Variants in TMEM270 observed in about 807,000 individuals in gnomAD.
The protein encoded by TMEM270 is Williams-Beuren syndrome chromosome region 28.
A neutral mutation model predicts 29.9 loss-of-function variants in TMEM270; 30 were observed. The ratio of observed to expected loss-of-function variants is 1.00; its 90% CI spans 0.75 to 1.36. The LOEUF is 1.36. Among genes scored for constraint, TMEM270 ranks in the 40% most tolerant of loss-of-function variants. The probability of loss-of-function intolerance (pLI) is 0.00; values close to 1 mark genes in which losing one functional copy is unlikely to be tolerated. For missense variants in TMEM270, 313 were observed against 307.1 expected (o/e 1.02, Z -0.14); for synonymous variants, 135 against 139.8 (o/e 0.97, Z 0.24).
chr7:73,865,482 C>T, intron 2 of TMEM270, 61 bp downstream of exon 2: 2 of 1,582,050 alleles, frequency 1.3e-6, no homozygotes, highest in Non-Finnish European at 1.7e-6. Flanking sequence ...TGGGTGTGGT[C>T]AGGGCTGGCT....
rs782757570 is a variant in TMEM270 at position 73,865,695 on chromosome 7, C to T, written c.620C>T (p.Thr207Ile). The change falls in exon 3 of 3, where the codon ACC (threonine) becomes ATC (isoleucine). Residue 207 changes from threonine to isoleucine, a missense_variant. By Grantham distance (89) the Thr-to-Ile change is moderately conservative (BLOSUM62 -1). Transcript: ENST00000320531. ...CACCTGGCCTATCTCATCACCTGGA[C>T]CACCTGCCTGGCCTCCCACCTGCTG... ...SWHLAYLITW[T>I]TCLASHLLQA... The T allele has an allele frequency of 5.0e-6, 8 of 1,613,998 alleles. No homozygotes were observed. The Admixed American group carries it at 1.0e-4, about 20-fold the overall frequency.
chr7:73,861,273 G>T lies in TMEM270; in HGVS notation c.72+7G>T, dbSNP rs1404004907. The T allele has an allele frequency of 1.2e-6, 2 of 1,600,352 alleles. No individual in the cohort carries two copies. Among genetic ancestry groups the T allele is most frequent in the Non-Finnish European group, 8.6e-7 (1 of 1,168,680 alleles). On this transcript the variant is annotated splice_region_variant and intron_variant, in intron 1 of 2. Transcript: ENST00000320531. ...TACGAGGCTCTCAGTGCTGGTGAGT[G>T]GGGGCTGGGGGTAAGTGGGGTGGGG...
intron 1 of TMEM270, among the ~76,000 whole-genome samples, chr7:73,864,441 A>T (rs1459276553): frequency 1.3e-5 from 2 of 151,978 alleles, no homozygotes; most frequent in African/African-American, 4.8e-5. Context: ...AAAAAAAAAT[A>T]TCCAATGGAA....
In TMEM270 at chr7:73,861,212, A is replaced by G; in HGVS notation, c.18A>G (p.Pro6=). Residue 6 remains proline, a synonymous_variant, in exon 1 of 3, where the codon CCA becomes CCG. Coordinates refer to ENST00000320531, the MANE Select transcript of TMEM270 (RefSeq NM_182504.4). The part of the protein sequence containing the change: MEALP[P]VRSSLLGILL... The stretch of plus-strand genomic sequence containing the variant: ...GGCCAGACATGGAGGCCCTTCCTCC[A>G]GTCAGATCCAGCCTTTTGGGGATCC... 1 of 1,610,328 alleles carries G rather than the reference A, an allele frequency of 6.2e-7. No homozygotes were observed. Among genetic ancestry groups the G allele is most frequent in the Non-Finnish European group, 8.5e-7 (1 of 1,178,306 alleles).
chr7:73,862,882 A>G (rs1788818713), intron 1 of TMEM270, among the ~76,000 whole-genome samples: 1 of 150,750 alleles, frequency 6.6e-6, no homozygotes, highest in South Asian at 2.1e-4. Flanking sequence ...GAAAAAAAAA[A>G]AAAAAAAAAA....
chr7:73,862,905 G>A, intron 1 of TMEM270, among the ~76,000 whole-genome samples: 1 of 130,390 alleles, frequency 7.7e-6, no homozygotes, highest in South Asian at 2.5e-4. Flanking sequence ...AAAAAGATTT[G>A]CATCTTGGCT....
chr7:73,861,303 C>T (rs782070251), intron 1 of TMEM270, 37 bp downstream of exon 1: 20 of 1,583,820 alleles, frequency 1.3e-5, no homozygotes, highest in Non-Finnish European at 1.7e-5. Context: ...GTGGGGACCA[C>T]ACACCAGGCC....
Position 73,865,231 on chromosome 7 carries a change from G to A in TMEM270, c.311G>A (p.Gly104Asp), listed in dbSNP as rs782066364. ...AGGCTGATGTGGGCTGGCATGTGGG[G>A]CAGCACCAAGGGCCTGGGCCTGGCC... ...GPRLMWAGMW[G>D]STKGLGLALL... is the part of the protein sequence containing the mutation. The change falls in exon 2 of 3, where the codon GGC (glycine) becomes GAC (aspartate). Residue 104 changes from glycine to aspartate, a missense_variant. Physicochemically the swap from Gly to Asp is moderately conservative, Grantham distance 94 (BLOSUM62 -1). Transcript: ENST00000320531. The A allele has an allele frequency of 1.9e-6, 3 of 1,613,680 alleles. No individual in the cohort carries two copies. The highest frequency in any genetic ancestry group is 1.3e-5 in the African/African-American group (1 of 75,076).
At chr7:73,864,297 T>C (rs1409434774) in intron 1 of TMEM270, among the ~76,000 whole-genome samples, 9 of 149,628 alleles carry the variant, frequency 6.0e-5, no homozygotes, top group African/African-American at 2.2e-4. Context: ...CATGGTGGCA[T>C]GCACTTGTGT....
At chr7:73,860,986 C>G (rs527805223), upstream of TMEM270, among the ~76,000 whole-genome samples, 1 of 152,132 alleles carries the variant, frequency 6.6e-6, no homozygotes. Context: ...AAATCCGACC[C>G]GAAGGAAGCT....
At chr7:73,861,605 C>T (rs1415756879) in intron 1 of TMEM270, 6 of 414,124 alleles carry the variant, frequency 1.4e-5, no homozygotes, top group Admixed American at 6.5e-5. Context: ...TGCACCACCA[C>T]GCCTGACTAA....
Position 73,865,310 on chromosome 7 carries a change from G to A in TMEM270, c.390G>A (p.Leu130=). 6.2e-7 allele frequency: 1 copy of A among 1,613,498 alleles called. No individual in the cohort carries two copies. Among genetic ancestry groups the A allele is most frequent in the Non-Finnish European group, 8.5e-7 (1 of 1,179,992 alleles). The part of the protein sequence containing the change: ...LGLSVAIWTD[L]FLSCLHGLML... ...TGTCTGTGGCCATCTGGACAGATCT[G>A]TTTTTGTCATGTCTGCACGGCCTGA... The change falls in exon 2 of 3, where the codon CTG becomes CTA. Residue 130 remains leucine (L), a synonymous_variant. Coordinates refer to ENST00000320531, the MANE Select transcript of TMEM270 (RefSeq NM_182504.4).
intron 1 of TMEM270, among the ~76,000 whole-genome samples, chr7:73,864,557 T>C (rs1554639659): frequency 2.0e-5 from 3 of 152,068 alleles, no homozygotes; most frequent in Non-Finnish European, 1.5e-5. Context: ...GCTGAGGCCT[T>C]GAGATGGGGA....
chr7:73,861,012 C>T (rs1181520097), upstream of TMEM270: 1 of 631,438 alleles, frequency 1.6e-6, no homozygotes, highest in Non-Finnish European at 2.9e-6. Context: ...CTAAGACCTC[C>T]TTGGCCGTGT....
chr7:73,862,381 C>T (rs1242554855), intron 1 of TMEM270, among the ~76,000 whole-genome samples: 1 of 150,760 alleles, frequency 6.6e-6, no homozygotes, highest in Non-Finnish European at 1.5e-5. Context: ...TCTGGGATTA[C>T]AGGTGTGAGC....
intron 1 of TMEM270, chr7:73,861,564 C>T (rs782293550): frequency 3.6e-6 from 2 of 548,064 alleles, no homozygotes; most frequent in East Asian, 4.1e-5. Context: ...ATCCTCCCCC[C>T]TCAGCCTCCA....
Position 73,865,151 on chromosome 7 carries a change from CTGGG to C in TMEM270, c.232_235del (p.Trp78LeufsTer5). The C allele has an allele frequency of 1.2e-6, 2 of 1,610,408 alleles. No homozygotes were observed. Among genetic ancestry groups the C allele is most frequent in the Admixed American group, 3.3e-5 (2 of 59,868 alleles). On this transcript the variant is annotated frameshift_variant, in exon 2 of 3. Coordinates refer to ENST00000320531, the MANE Select transcript of TMEM270 (RefSeq NM_182504.4). LOFTEE classifies it high-confidence loss of function. ...CAGCCTGCCCCCTGGGCCAGGCTCT[CTGGG>C]CTGGGCTGGCTCTGATACAGGTCCC...
rs782697924 is a variant in TMEM270 at position 73,861,523 on chromosome 7, C to T, written c.72+257C>T. ...GGAGCGCAGTGGTGCCGGCTCAGCTCGTTGCAGCCTCCAACTCCCGGTCTC... is the reference window on the plus strand; with the variant it reads ...GGAGCGCAGTGGTGCCGGCTCAGCTTGTTGCAGCCTCCAACTCCCGGTCTC... On this transcript the variant is annotated intron_variant, in intron 1 of 2. Coordinates refer to ENST00000320531, the MANE Select transcript of TMEM270 (RefSeq NM_182504.4). 1.7e-4 allele frequency: 104 copies of T among 615,050 alleles called. 2 individuals are homozygous for T. Among genetic ancestry groups the T allele is most frequent in the South Asian group, 1.5e-3 (97 of 65,680 alleles). 38.1% of individuals were successfully genotyped at this position (615,050 alleles called of 1,614,324 possible).
chr7:73,865,290 G>C lies in TMEM270; in HGVS notation c.370G>C (p.Val124Leu), dbSNP rs557233860. 3.7e-6 allele frequency: 6 copies of C among 1,613,310 alleles called. No homozygotes were observed. The highest frequency in any genetic ancestry group is 3.3e-5 in the Admixed American group (2 of 60,004). ...LSAWEQLGLS[V>L]AIWTDLFLSC... is the part of the protein sequence containing the mutation. ...TGCCTGGGAGCAGCTGGGCCTGTCT[G>C]TGGCCATCTGGACAGATCTGTTTTT... The change falls in exon 2 of 3, where the codon GTG (valine) becomes CTG (leucine). Residue 124 changes from valine (V) to leucine (L), a missense_variant. Coordinates refer to ENST00000320531, the MANE Select transcript of TMEM270 (RefSeq NM_182504.4).
Sources: gnomAD v4.1 joint callset for allele counts (sites outside exome capture counted in the v4.1 genomes callset) on GRCh38, gnomAD v4.1.1 for gene constraint, MANE v1.5 for transcripts, NCBI Gene and HGNC (gene_info 2026-07-23, HGNC 2026-07-21) for gene names.